CARMIL1: variants seen among roughly 807,000 people sequenced by gnomAD.
CARMIL1 encodes F-actin-uncapping protein LRRC16A.
A neutral mutation model predicts 177.1 loss-of-function variants in CARMIL1; 90 were observed. The ratio of observed to expected loss-of-function variants is 0.51; its 90% CI spans 0.43 to 0.61. The LOEUF is 0.61. CARMIL1 is among the 20% of genes least tolerant of loss of function. The pLI is 0.00. For synonymous variants in CARMIL1, 577 were observed against 606.2 expected (o/e 0.95, Z 0.71); for missense variants, 1,380 against 1,667.0 (o/e 0.83, Z 3.00).
intron 11 of CARMIL1, chr6:25,479,010 G>T: frequency 2.2e-6 from 1 of 453,224 alleles, no homozygotes. Context: ...TATAGAATTG[G>T]TAGAAATGTA....
intron 2 of CARMIL1, among the ~76,000 whole-genome samples, chr6:25,363,644 T>A (rs1282239667): frequency 2.0e-5 from 3 of 152,218 alleles, no homozygotes; most frequent in Non-Finnish European, 4.4e-5. Flanking sequence ...TTAGCAGTTC[T>A]GCTTTTTAGG....
At chr6:25,489,614 A>G (rs1206502974) in intron 13 of CARMIL1, among the ~76,000 whole-genome samples, 1 of 152,188 alleles carries the variant, frequency 6.6e-6, no homozygotes, top group East Asian at 1.9e-4. Flanking sequence ...GAATGGCCTT[A>G]ATTTGCATTC....
rs1193339357 is a variant in CARMIL1, at chr6:25,420,103, C to G, written c.139-11C>G. The G allele has an allele frequency of 2.5e-6, 4 of 1,611,020 alleles. No individual in the cohort carries two copies. The South Asian group carries it at 4.4e-5, about 18-fold the overall frequency. ...GGTGCTTATACTGATGCTGCTGCTT[C>G]TGTCTTACAGGTCCTTACATCATGC... On this transcript the variant is annotated splice_polypyrimidine_tract_variant and intron_variant, in intron 2 of 36. Transcript: ENST00000329474.
chr6:25,430,906 C>G (rs957341075), intron 4 of CARMIL1, among the ~76,000 whole-genome samples: 4 of 152,122 alleles, frequency 2.6e-5, no homozygotes, highest in African/African-American at 9.7e-5. Context: ...TGTTATACTT[C>G]TAATATCTGT....
chr6:25,313,683 G>GCA lies in CARMIL1; in HGVS notation c.138+28774_138+28775insCA. ...TAAAGATCTTTACCCAGGGAAGGCTGTATATATACAGTTATTTGGGAGAAA... is the reference window on the plus strand; with the variant it reads ...TAAAGATCTTTACCCAGGGAAGGCTGCATATATATACAGTTATTTGGGAGAAA... On this transcript the variant is annotated intron_variant, in intron 2 of 36. Transcript: ENST00000329474. Among the ~76,000 whole-genome samples the GCA allele has an allele frequency of 9.7e-4, 129 of 133,324 alleles. 1 individual carries two copies. Among genetic ancestry groups the GCA allele is most frequent in the East Asian group, 2.5e-3 (10 of 4,060 alleles). 87.5% of individuals were successfully genotyped at this position (133,324 alleles called of 152,430 possible).
chr6:25,475,989 C>T (rs1158452621), intron 11 of CARMIL1, among the ~76,000 whole-genome samples: 1 of 152,226 alleles, frequency 6.6e-6, no homozygotes, highest in Non-Finnish European at 1.5e-5. Flanking sequence ...TCTGGGTTTT[C>T]TGTCTCCCCT....
intron 2 of CARMIL1, among the ~76,000 whole-genome samples, chr6:25,330,426 G>A (rs1785508511): frequency 1.3e-5 from 2 of 152,222 alleles, no homozygotes; most frequent in Admixed American, 1.3e-4. Flanking sequence ...GGGAAGAAGG[G>A]GAGAGATGAT....
chr6:25,409,429 G>A (rs1214038915), intron 2 of CARMIL1, among the ~76,000 whole-genome samples: 2 of 152,096 alleles, frequency 1.3e-5, no homozygotes, highest in African/African-American at 4.8e-5. Context: ...CTTAAACTAG[G>A]ATACAGATTG....
intron 2 of CARMIL1, among the ~76,000 whole-genome samples, chr6:25,293,463 G>A (rs543703497): frequency 5.1e-4 from 77 of 152,028 alleles, no homozygotes; most frequent in African/African-American, 1.7e-3. Context: ...ACAGCTCACC[G>A]CAGCCTCGAT....
intron 4 of CARMIL1, among the ~76,000 whole-genome samples, chr6:25,434,276 T>G (rs1797046760): frequency 6.6e-6 from 1 of 152,184 alleles, no homozygotes; most frequent in South Asian, 2.1e-4. Context: ...TTATTTGTAA[T>G]GTGTACATCT....
rs148866886 is a variant in CARMIL1 at position 25,371,190 on chromosome 6, T to G, written c.139-48924T>G. On this transcript the variant is annotated intron_variant, in intron 2 of 36. Transcript: ENST00000329474. ...GATGGGCACTTAGGTTGGTTCTGTA[T>G]CTTTGCAATTGTGAATGGTGCTGTG... 2.7e-3 allele frequency among the ~76,000 whole-genome samples: 415 copies of G among 152,352 alleles called. 1 individual carries two copies. The highest frequency in any genetic ancestry group is 9.3e-3 in the African/African-American group (388 of 41,580).
intron 2 of CARMIL1, among the ~76,000 whole-genome samples, chr6:25,394,726 G>A (rs985018958): frequency 6.6e-6 from 1 of 152,044 alleles, no homozygotes; most frequent in African/African-American, 2.4e-5. Context: ...AGAAATCAAG[G>A]GTTTCAGTAA....
chr6:25,580,911 A>T lies in CARMIL1; in HGVS notation c.2743-13A>T. ...TACCTAAGTGTTTTTTTAAATTATT[A>T]TTTCATTTCTAGATGACCCCTAAAT... is the stretch of plus-strand genomic sequence containing the variant. On this transcript the variant is annotated splice_polypyrimidine_tract_variant and intron_variant, in intron 29 of 36. Coordinates refer to ENST00000329474, the MANE Select transcript of CARMIL1 (RefSeq NM_017640.6). 1 of 1,571,422 alleles carries T rather than the reference A, an allele frequency of 6.4e-7. No individual in the cohort carries two copies. Among genetic ancestry groups the T allele is most frequent in the Non-Finnish European group, 8.7e-7 (1 of 1,155,942 alleles).
In CARMIL1 at chr6:25,332,769, ACACGCG is replaced by A. The variant is rs1445926777; in HGVS notation, c.138+47864_138+47869del. Among the ~76,000 whole-genome samples, 39 of 137,860 alleles carry A rather than the reference ACACGCG, an allele frequency of 2.8e-4. 1 individual carries two copies. The highest frequency in any genetic ancestry group is 9.0e-4 in the African/African-American group (34 of 37,694). 90.4% of individuals were successfully genotyped at this position (137,860 alleles called of 152,430 possible). The stretch of plus-strand genomic sequence containing the variant: ...CACACACACACACACACACACACAC[ACACGCG>A]CACACACACACACACACTTCTTTTA... On this transcript the variant is annotated intron_variant, in intron 2 of 36. Coordinates refer to ENST00000329474, the MANE Select transcript of CARMIL1 (RefSeq NM_017640.6).
At chr6:25,451,986 G>GGGCCCCCCCCCCC in intron 8 of CARMIL1, 1 of 112,670 alleles carries the variant, frequency 8.9e-6, no homozygotes, top group South Asian at 7.1e-5. Context: ...CTAGCATCTT[G>GGGCCCCCCCCCCC]CCCCCCCCTC....
intron 2 of CARMIL1, among the ~76,000 whole-genome samples, chr6:25,368,662 A>G (rs562955817): frequency 6.6e-6 from 1 of 152,322 alleles, no homozygotes; most frequent in South Asian, 2.1e-4. Flanking sequence ...TAAAATCTCT[A>G]CTAAAATGGT....
chr6:25,613,094 T>C (rs1816628732), intron 36 of CARMIL1, among the ~76,000 whole-genome samples: 1 of 152,218 alleles, frequency 6.6e-6, no homozygotes, highest in East Asian at 1.9e-4. Context: ...AAATCTAAAA[T>C]TAGAAATTCT....
chr6:25,337,053 GC>G (rs1786318910), intron 2 of CARMIL1, among the ~76,000 whole-genome samples: 1 of 152,172 alleles, frequency 6.6e-6, no homozygotes, highest in Admixed American at 6.5e-5. Flanking sequence ...TTGAATAAGT[GC>G]AGTACTTATT....
chr6:25,604,822 A>T lies in CARMIL1; in HGVS notation c.3563A>T (p.Asn1188Ile), dbSNP rs760562770. Residue 1188 changes from asparagine (N) to isoleucine (I), a missense_variant, in exon 34 of 37, where the codon AAT becomes ATT. By Grantham distance (149) the Asn-to-Ile change is moderately radical (BLOSUM62 -3). Transcript: ENST00000329474. The part of the protein sequence containing the change: ...RAACAQKKLG[N>I]DAVSQDSSSP... ...GCTTGAATTTTTTAGAAGCTTGGGA[A>T]TGATGCCGTATCCCAGGATTCTTCC... 1 of 1,590,066 alleles carries T rather than the reference A, an allele frequency of 6.3e-7. No homozygotes were observed. Among genetic ancestry groups the T allele is most frequent in the African/African-American group, 1.3e-5 (1 of 74,660 alleles).
Sources: gnomAD v4.1 joint callset for allele counts (sites outside exome capture counted in the v4.1 genomes callset) on GRCh38, gnomAD v4.1.1 for gene constraint, MANE v1.5 for transcripts, NCBI Gene and HGNC (gene_info 2026-07-23, HGNC 2026-07-21) for gene names.